C11orf65: variants seen among roughly 807,000 people sequenced by gnomAD.
The protein encoded by C11orf65 is protein MFI.
C11orf65 carries 38 observed loss-of-function variants against 35.3 expected under a neutral mutation model. That is an observed-to-expected ratio of 1.08 (90% confidence interval 0.83 to 1.41). The LOEUF is 1.41. Ranked by LOEUF, C11orf65 falls within the 40% of genes most tolerant of loss-of-function variation. The probability of loss-of-function intolerance (pLI) is 0.00; values close to 1 mark genes in which losing one functional copy is unlikely to be tolerated. For synonymous variants in C11orf65, 105 were observed against 114.4 expected, an observed-to-expected ratio of 0.92 and a Z score of 0.53; for missense variants, 370 against 367.1, an observed-to-expected ratio of 1.01 and a Z score of -0.06.
At chr11:108,378,048 C>CAT (rs1476816042), downstream of C11orf65, among the ~76,000 whole-genome samples, 1 of 150,978 alleles carries the variant, frequency 6.6e-6, no homozygotes, top group Admixed American at 6.6e-5. Context: ...TGAAAATGGC[C>CAT]ATACTGCCCA....
At chr11:108,308,838 C>G in exon 7 of C11orf65, 1 of 578,554 alleles carries the variant, frequency 1.7e-6, no homozygotes, top group Non-Finnish European at 3.0e-6. Flanking sequence ...GTCTTTGCTT[C>G]TGGTTATTTT....
intron 2 of C11orf65, chr11:108,366,528 G>A: frequency 4.4e-6 from 1 of 228,352 alleles, no homozygotes; most frequent in Non-Finnish European, 8.7e-6. Context: ...TGTTCATCCA[G>A]TTTTGTCTTT....
downstream of C11orf65, among the ~76,000 whole-genome samples, chr11:108,380,694 T>C (rs986372740): frequency 1.3e-5 from 2 of 152,208 alleles, no homozygotes; most frequent in African/African-American, 4.8e-5. Flanking sequence ...CACTGCTGAA[T>C]GACACTTGGC....
At chr11:108,354,241 A>G (rs1456443999) in intron 2 of C11orf65, among the ~76,000 whole-genome samples, 1 of 152,194 alleles carries the variant, frequency 6.6e-6, no homozygotes, top group Admixed American at 6.5e-5. Context: ...ACCTAAGCCC[A>G]TGTAACATAC....
rs1591757542 is a variant in C11orf65, at chr11:108,312,268, T to C, written c.641-3197A>G. On this transcript the variant is annotated intron_variant, in intron 6 of 6. Coordinates refer to the C11orf65 transcript ENST00000525729. ...CCTTTTCCATCCTAGGTATAAATGG[T>C]ATTATGTTTTAAAGTATAAGTGATT... The C allele has an allele frequency of 2.1e-5, 14 of 653,888 alleles. No individual in the cohort carries two copies. In the East Asian group the frequency reaches 3.8e-4, roughly 18 times the overall value. The allele number at this position is 653,888 out of a possible 1,614,324, so 40.5% of individuals were successfully genotyped here. A position where few individuals can be genotyped will look rare whatever the true frequency, so the allele number is the denominator to read the frequency against.
At chr11:108,469,507 T>C (rs2093564285), upstream of C11orf65, among the ~76,000 whole-genome samples, 1 of 151,356 alleles carries the variant, frequency 6.6e-6, no homozygotes, top group South Asian at 2.1e-4. Flanking sequence ...CATACATAAT[T>C]AAACATAATG....
intron 6 of C11orf65, among the ~76,000 whole-genome samples, chr11:108,404,428 G>C (rs1182022476): frequency 6.6e-6 from 1 of 152,044 alleles, no homozygotes; most frequent in Non-Finnish European, 1.5e-5. Flanking sequence ...TTTGTTTCGA[G>C]ATGGAGTCTC....
At chr11:108,436,111 GAA>G (rs200441216) in intron 2 of C11orf65, among the ~76,000 whole-genome samples, 4 of 133,202 alleles carry the variant, frequency 3.0e-5, no homozygotes, top group Non-Finnish European at 3.2e-5. Context: ...ATTTTAGGAG[GAA>G]AAAAAAAAAA....
At position 108,407,122 on chromosome 11, in the gene C11orf65, T is replaced by A. The variant is rs747071550; in HGVS notation, c.202A>T (p.Ile68Phe). ...CCACCTAATCTGAATCGCACATGAA[T>A]GCCAGCAGCAGCATCTAGAAGCTCT... ...EAELLDAAAGIHVRFRLGGVK... is the reference protein window; with the variant it reads ...EAELLDAAAGFHVRFRLGGVK... Residue 68 changes from isoleucine to phenylalanine, a missense_variant, in exon 4 of 9, where the codon ATT becomes TTT. By Grantham distance (21) the Ile-to-Phe change is conservative. Coordinates refer to ENST00000393084, the MANE Select transcript of C11orf65 (RefSeq NM_152587.5). The A allele has an allele frequency of 2.5e-6, 4 of 1,610,384 alleles. No individual in the cohort carries two copies. In the East Asian group the frequency reaches 8.9e-5, roughly 36 times the overall value.
At chr11:108,463,935 T>TC (rs2093501571) in intron 1 of C11orf65, among the ~76,000 whole-genome samples, 3 of 151,182 alleles carry the variant, frequency 2.0e-5, no homozygotes, top group Admixed American at 2.0e-4. Flanking sequence ...TTTTTTTTTT[T>TC]TTTTTTTTTG....
chr11:108,358,416 C>T (rs1207827830), intron 2 of C11orf65, among the ~76,000 whole-genome samples: 2 of 149,552 alleles, frequency 1.3e-5, no homozygotes, highest in Non-Finnish European at 3.0e-5. Context: ...CAAGGCAGGC[C>T]AACGTTCAGA....
chr11:108,317,090 T>A (rs2084729988), intron 6 of C11orf65, among the ~76,000 whole-genome samples: 1 of 127,468 alleles, frequency 7.8e-6, no homozygotes, highest in African/African-American at 3.2e-5. Flanking sequence ...CACACTACCA[T>A]ACCCAGCTAT....
downstream of C11orf65, among the ~76,000 whole-genome samples, chr11:108,379,809 C>T (rs561925344): frequency 3.4e-4 from 51 of 152,042 alleles, no homozygotes; most frequent in Non-Finnish European, 6.0e-4. Context: ...CTTTCTTACT[C>T]CTCAAGCAGG....
In C11orf65 at chr11:108,467,481, T is replaced by C. The variant is rs1023733961; in HGVS notation, c.-20A>G. 7.2e-5 allele frequency: 11 copies of C among 152,482 alleles called. No individual in the cohort carries two copies. The highest frequency in any genetic ancestry group is 2.2e-4 in the African/African-American group (9 of 41,450). 9.4% of individuals were successfully genotyped at this position (152,482 alleles called of 1,614,324 possible). ...ATTCCCTTCACCTACCAATCGCTGCTGGCCCGGGCGCCGCTGGACTCCTAG... is the reference window on the plus strand; with the variant it reads ...ATTCCCTTCACCTACCAATCGCTGCCGGCCCGGGCGCCGCTGGACTCCTAG... On this transcript the variant is annotated 5_prime_UTR_variant, in exon 1 of 9. Coordinates refer to ENST00000393084, the MANE Select transcript of C11orf65 (RefSeq NM_152587.5).
intron 3 of C11orf65, among the ~76,000 whole-genome samples, chr11:108,422,605 T>A (rs2092835482): frequency 6.6e-6 from 1 of 152,124 alleles, no homozygotes; most frequent in Admixed American, 6.5e-5. Context: ...TGACCTGGGC[T>A]GGGCATGGTG....
chr11:108,390,803 G>A (rs1250338677), intron 7 of C11orf65, among the ~76,000 whole-genome samples: 10 of 152,080 alleles, frequency 6.6e-5, no homozygotes, highest in Non-Finnish European at 1.5e-5. Context: ...CTGTCTATAG[G>A]GAATCTCAAG....
chr11:108,411,695 T>C (rs1355240866), intron 3 of C11orf65, among the ~76,000 whole-genome samples: 1 of 152,218 alleles, frequency 6.6e-6, no homozygotes, highest in African/African-American at 2.4e-5. Flanking sequence ...ACTCTATCAT[T>C]ATGAAACTGC....
At chr11:108,313,490 T>A (rs2084348233) in intron 6 of C11orf65, among the ~76,000 whole-genome samples, 1 of 152,220 alleles carries the variant, frequency 6.6e-6, no homozygotes, top group African/African-American at 2.4e-5. Context: ...AGTCTGGTGG[T>A]CACCTTTCAT....
At chr11:108,331,066 T>C (rs2086188480), downstream of C11orf65, 22 of 634,418 alleles carry the variant, frequency 3.5e-5, no homozygotes, top group South Asian at 1.1e-3. Context: ...ACACTAAATA[T>C]TACTTTTGGC....
Sources: gnomAD v4.1 joint callset for allele counts (sites outside exome capture counted in the v4.1 genomes callset) on GRCh38, gnomAD v4.1.1 for gene constraint, MANE v1.5 for transcripts, NCBI Gene and HGNC (gene_info 2026-07-23, HGNC 2026-07-21) for gene names.